The following ANK2 variants were observed in gnomAD, a reference collection of about 807,000 sequenced individuals.
The protein encoded by ANK2 is ankyrin 2, also known as ankyrin-2.
ANK2 carries 83 observed loss-of-function variants against 360.5 expected under a neutral mutation model. That is an observed-to-expected ratio of 0.23 (90% CI 0.19 to 0.28). The LOEUF is 0.28. Among genes scored for constraint, ANK2 ranks in the 10% least tolerant of loss-of-function variants. The pLI is 1.00. For synonymous variants in ANK2, 1,740 were observed against 1,759.5 expected, an observed-to-expected ratio of 0.99 and a Z score of 0.28; for missense variants, 4,201 against 4,795.7, an observed-to-expected ratio of 0.88 and a Z score of 3.66.
chr4:112,748,072 C>T, the ANK2 span, among the ~76,000 whole-genome samples: 5 of 152,006 alleles, frequency 3.3e-5, no homozygotes, highest in Non-Finnish European at 5.9e-5. Flanking sequence ...GTAAGGCATC[C>T]TCCAAGTGAT....
intron 1 of ANK2, among the ~76,000 whole-genome samples, chr4:112,845,885 T>C (rs1181972067): frequency 6.6e-6 from 1 of 152,220 alleles, no homozygotes; most frequent in African/African-American, 2.4e-5. Context: ...TTACCTTGAC[T>C]TCCTTCCTTA....
Position 113,349,397 on chromosome 4 carries a change from T to TA in ANK2, c.4405-825dup, listed in dbSNP as rs1384840353. 3.3e-5 allele frequency among the ~76,000 whole-genome samples: 5 copies of TA among 152,180 alleles called. No homozygotes were observed. The East Asian group carries it at 7.7e-4, about 23-fold the overall frequency. On this transcript the variant is annotated intron_variant, in intron 36 of 45. Coordinates refer to ENST00000357077, the MANE Select transcript of ANK2 (RefSeq NM_001148.6). ...AAATGTTATTCCAATGCATTCAAAA[T>TA]AAAAAATATAATAAATACCCTTATA...
In ANK2 at chr4:112,822,255, A is replaced by C. The variant is rs200258387; in HGVS notation, c.-40+3991A>C. On this transcript the variant is annotated intron_variant, in intron 1 of 30. Coordinates refer to the ANK2 transcript ENST00000503271. ...GTCTCTACTAAAAAAAAAAAAAAAA[A>C]AAAAAAACAAAAATTAGCCGGGCGT... Among the ~76,000 whole-genome samples the C allele has an allele frequency of 1.8e-3, 274 of 149,426 alleles. 1 individual carries two copies. The East Asian group carries it at 0.034, about 18-fold the overall frequency.
At chr4:112,841,030 TC>T (rs1224083770) in intron 1 of ANK2, among the ~76,000 whole-genome samples, 1 of 152,214 alleles carries the variant, frequency 6.6e-6, no homozygotes, top group Non-Finnish European at 1.5e-5. Context: ...CTTCTGGAAG[TC>T]CTGACAACTG....
intron 1 of ANK2, among the ~76,000 whole-genome samples, chr4:113,068,218 T>C (rs2076302952): frequency 6.6e-6 from 1 of 152,230 alleles, no homozygotes; most frequent in South Asian, 2.1e-4. Flanking sequence ...AGTGAATTTC[T>C]TCTACACAAT....
intron 1 of ANK2, among the ~76,000 whole-genome samples, chr4:113,153,358 T>A (rs1246990716): frequency 6.6e-6 from 1 of 152,192 alleles, no homozygotes; most frequent in African/African-American, 2.4e-5. Flanking sequence ...TTAGAAAGCA[T>A]CTTCTAAGAT....
At chr4:113,127,555 C>G (rs2095739242) in intron 1 of ANK2, among the ~76,000 whole-genome samples, 3 of 151,118 alleles carry the variant, frequency 2.0e-5, no homozygotes, top group African/African-American at 7.3e-5. Context: ...TAGCTGGTTG[C>G]TTTTAAGAGA....
At chr4:112,926,528 T>C (rs567520994) in intron 2 of ANK2, among the ~76,000 whole-genome samples, 1 of 152,328 alleles carries the variant, frequency 6.6e-6, no homozygotes, top group South Asian at 2.1e-4. Context: ...ACTGGGTGTC[T>C]GTTCACTGGA....
chr4:112,753,183 G>T, the ANK2 span, among the ~76,000 whole-genome samples: 1,230 of 152,332 alleles, frequency 8.1e-3, 29 homozygotes, highest in East Asian at 0.047. Context: ...CGGACTCGAA[G>T]AATGAGTCTT....
the ANK2 span, among the ~76,000 whole-genome samples, chr4:112,792,853 A>T: frequency 6.6e-6 from 1 of 152,120 alleles, no homozygotes; most frequent in East Asian, 1.9e-4. Context: ...GAAGATGTGA[A>T]TTTTATTTGC....
chr4:112,998,630 AG>A (rs2049490543), intron 2 of ANK2, among the ~76,000 whole-genome samples: 1 of 152,176 alleles, frequency 6.6e-6, no homozygotes, highest in Non-Finnish European at 1.5e-5. Flanking sequence ...AGATATTAAT[AG>A]GTGGTTGGTT....
intron 7 of ANK2, among the ~76,000 whole-genome samples, chr4:113,239,834 T>C (rs1178832345): frequency 1.3e-5 from 2 of 152,194 alleles, no homozygotes; most frequent in South Asian, 2.1e-4. Context: ...TGAACTTTTT[T>C]CTTCCTTTTA....
At chr4:113,299,931 G>C (rs1208642511) in intron 22 of ANK2, among the ~76,000 whole-genome samples, 1 of 152,060 alleles carries the variant, frequency 6.6e-6, no homozygotes, top group African/African-American at 2.4e-5. Context: ...ATTGGTCTAT[G>C]ATGGGACCCA....
chr4:112,743,605 C>T, the ANK2 span, among the ~76,000 whole-genome samples: 152 of 139,670 alleles, frequency 1.1e-3, no homozygotes, highest in Middle Eastern at 3.8e-3. Context: ...TGCCCTGGCA[C>T]GATCTCGGCT....
chr4:113,084,251 G>A (rs2083583719), intron 1 of ANK2, among the ~76,000 whole-genome samples: 1 of 152,196 alleles, frequency 6.6e-6, no homozygotes, highest in African/African-American at 2.4e-5. Context: ...TGCAGAAGGG[G>A]TAGGAAAATG....
At chr4:113,106,005 C>A (rs1460693818) in intron 1 of ANK2, among the ~76,000 whole-genome samples, 1 of 152,152 alleles carries the variant, frequency 6.6e-6, no homozygotes, top group Non-Finnish European at 1.5e-5. Context: ...ATTTTACTAG[C>A]TTTCTGTCAA....
chr4:113,381,074 G>C (rs2097156204), intron 45 of ANK2, among the ~76,000 whole-genome samples: 1 of 152,090 alleles, frequency 6.6e-6, no homozygotes, highest in Non-Finnish European at 1.5e-5. Context: ...CTGTCAAAAG[G>C]TACTTGTGGT....
chr4:112,910,258 G>A (rs1342256779), intron 2 of ANK2, among the ~76,000 whole-genome samples: 1 of 152,138 alleles, frequency 6.6e-6, no homozygotes, highest in Non-Finnish European at 1.5e-5. Context: ...AGCTGGGGCT[G>A]TTCAGTGGTG....
chr4:113,303,443 C>A (rs1461968479), intron 23 of ANK2, among the ~76,000 whole-genome samples: 1 of 152,144 alleles, frequency 6.6e-6, no homozygotes, highest in Non-Finnish European at 1.5e-5. Context: ...TGATCTCAGG[C>A]AATGGCTTCC....
Sources: allele counts gnomAD v4.1 joint callset (sites outside exome capture counted in the v4.1 genomes callset), GRCh38; gene constraint gnomAD v4.1.1; transcripts MANE v1.5; gene names NCBI Gene and HGNC (gene_info 2026-07-23, HGNC 2026-07-21).